EIF4E2: variants seen among roughly 807,000 people sequenced by gnomAD.
EIF4E2 encodes the protein eukaryotic translation initiation factor 4E type 2.
EIF4E2 carries 13 observed loss-of-function variants against 34.2 expected under a neutral mutation model. The observed-to-expected ratio is 0.38, with a 90% CI of 0.25 to 0.60. The LOEUF (loss-of-function observed/expected upper bound fraction) is 0.60, where lower values mean the gene tolerates loss of function less well. Ranked by LOEUF, EIF4E2 falls within the 20% of genes least tolerant of loss-of-function variation. EIF4E2 has a pLI of 0.62. For synonymous variants in EIF4E2, 100 were observed against 106.6 expected, an observed-to-expected ratio of 0.94 and a Z score of 0.38; for missense variants, 222 against 315.1, an observed-to-expected ratio of 0.70 and a Z score of 2.24.
chr2:232,574,151 A>T, downstream of EIF4E2: 1 of 1,101,836 alleles, frequency 9.1e-7, no homozygotes, highest in Non-Finnish European at 1.4e-6. Context: ...CTGTGGCTCC[A>T]CTCGGCTTGG....
At chr2:232,573,426 TTAGG>T (rs1474077494), downstream of EIF4E2, among the ~76,000 whole-genome samples, 1 of 152,170 alleles carries the variant, frequency 6.6e-6, no homozygotes, top group Non-Finnish European at 1.5e-5. Context: ...TGGCTAGGGC[TTAGG>T]TAGGAAATCA....
At position 232,581,464 on chromosome 2, in the gene EIF4E2, T is replaced by C; in HGVS notation, c.*521T>C. 1 of 292,902 alleles carries C rather than the reference T, an allele frequency of 3.4e-6. No homozygotes were observed. The highest frequency in any genetic ancestry group is 6.6e-6 in the Non-Finnish European group (1 of 151,574). The allele number at this position is 292,902 out of a possible 1,614,324, so 18.1% of individuals were successfully genotyped here. ...CTCCCCTCCTCCAAGCCCACCACTT[T>C]CTGAAGCTGTGTTACTGATGTGATG... On this transcript the variant is annotated 3_prime_UTR_variant, in exon 7 of 7. Transcript: ENST00000409098. This position sits in a 1 kb window ranked among gnomAD's most constrained non-coding sequence, Gnocchi z 5.2.
At chr2:232,559,437 G>GGAAAAAA (rs1553582383) in intron 3 of EIF4E2, among the ~76,000 whole-genome samples, 1 of 119,094 alleles carries the variant, frequency 8.4e-6, no homozygotes, top group African/African-American at 3.1e-5. Context: ...GCTTTGGTTT[G>GGAAAAAA]AAAAAAATAA....
intron 1 of EIF4E2, among the ~76,000 whole-genome samples, chr2:232,552,602 T>G (rs1190453): frequency 0.73 from 111,743 of 152,070 alleles, 41,374 homozygotes; most frequent in Middle Eastern, 0.84. Flanking sequence ...GTTAACTAAT[T>G]CCCGACACAA....
intron 4 of EIF4E2, among the ~76,000 whole-genome samples, chr2:232,565,294 C>A (rs1042582643): frequency 3.9e-5 from 6 of 152,202 alleles, no homozygotes; most frequent in Non-Finnish European, 5.9e-5. Context: ...CCAGTGCCCG[C>A]AGTGCCCTTC....
intron 6 of EIF4E2, chr2:232,567,544 G>T: frequency 8.1e-7 from 1 of 1,240,800 alleles, no homozygotes. Context: ...TCTTTTTCTT[G>T]CTGTTTTTTA....
chr2:232,583,551 G>A (rs1467202269), exon 7 of EIF4E2: 1 of 152,128 alleles, frequency 6.6e-6, no homozygotes, highest in African/African-American at 2.4e-5. Context: ...ATTTGCCAGT[G>A]GAAACGGAGC....
intron 1 of EIF4E2, chr2:232,551,261 G>A (rs1442514162): frequency 2.1e-6 from 1 of 472,908 alleles, no homozygotes; most frequent in African/African-American, 2.0e-5. Context: ...GGCTGGCTTA[G>A]GAATTATCTT....
intron 1 of EIF4E2, among the ~76,000 whole-genome samples, chr2:232,554,351 G>A (rs927514435): frequency 3.8e-4 from 58 of 152,190 alleles, no homozygotes; most frequent in African/African-American, 1.2e-3. Flanking sequence ...CAACTGGAGT[G>A]AAAAGAGTTT....
At chr2:232,555,932 G>A (rs1337604662) in intron 1 of EIF4E2, among the ~76,000 whole-genome samples, 1 of 66,266 alleles carries the variant, frequency 1.5e-5, no homozygotes, top group Non-Finnish European at 2.7e-5. Context: ...AGAGATTTGT[G>A]TCAGGAAGAC....
intron 6 of EIF4E2, chr2:232,567,459 G>A (rs770007401): frequency 1.1e-5 from 14 of 1,300,858 alleles, no homozygotes; most frequent in Non-Finnish European, 1.4e-5. Flanking sequence ...GTACTACCTG[G>A]GCTTGCTTAA....
intron 6 of EIF4E2, among the ~76,000 whole-genome samples, chr2:232,575,186 T>C (rs911891852): frequency 3.4e-5 from 3 of 88,880 alleles, no homozygotes; most frequent in Non-Finnish European, 5.4e-5. Flanking sequence ...TACCTCAAAA[T>C]TCCCCCTTCC....
chr2:232,564,551 C>T (rs1470675936), intron 4 of EIF4E2, among the ~76,000 whole-genome samples, 200 bp downstream of exon 4: 1 of 152,220 alleles, frequency 6.6e-6, no homozygotes, highest in African/African-American at 2.4e-5. Flanking sequence ...CCCAGGTTCA[C>T]GCCATTCTCT....
chr2:232,559,824 T>TAAA (rs576233672), intron 3 of EIF4E2, among the ~76,000 whole-genome samples: 2 of 115,506 alleles, frequency 1.7e-5, no homozygotes, highest in African/African-American at 7.3e-5. Context: ...ACGGGAGCAT[T>TAAA]AAAAAAAAAA....
chr2:232,557,860 T>C, intron 2 of EIF4E2, 24 bp from the exon 3 acceptor site: 1 of 1,611,170 alleles, frequency 6.2e-7, no homozygotes, highest in Non-Finnish European at 8.5e-7. Flanking sequence ...TGCCCAGGAC[T>C]AACACACCTT....
In EIF4E2 at chr2:232,566,442, A is replaced by G. The variant is rs1692936788; in HGVS notation, c.376-387A>G. Among the ~76,000 whole-genome samples, 1 of 152,206 alleles carries G rather than the reference A, an allele frequency of 6.6e-6. No homozygotes were observed. The highest frequency in any genetic ancestry group is 1.5e-5 in the Non-Finnish European group (1 of 68,020). Reference sequence around the variant, plus strand: ...CCTCACCTCGTGATTCGCCCACCTCAGCCTTCCAAAGTGTTGGGATTACGG... The same window carrying G: ...CCTCACCTCGTGATTCGCCCACCTCGGCCTTCCAAAGTGTTGGGATTACGG... On this transcript the variant is annotated intron_variant, in intron 4 of 6. Coordinates refer to ENST00000258416, the MANE Select transcript of EIF4E2 (RefSeq NM_004846.4). This position sits in a 1 kb window ranked among gnomAD's most constrained non-coding sequence, Gnocchi z 4.9.
chr2:232,571,534 C>T (rs142100883), downstream of EIF4E2, among the ~76,000 whole-genome samples: 381 of 152,302 alleles, frequency 2.5e-3, 4 homozygotes, highest in Non-Finnish European at 3.8e-3. Flanking sequence ...TCCTTTTGTG[C>T]ATCTAGCCTG....
intron 1 of EIF4E2, among the ~76,000 whole-genome samples, chr2:232,552,981 A>G (rs1183819220): frequency 3.9e-5 from 6 of 152,114 alleles, no homozygotes; most frequent in Non-Finnish European, 8.8e-5. Context: ...TTTTTACCAC[A>G]TTGCTCTTAA....
At chr2:232,553,536 A>G (rs1371751700) in intron 1 of EIF4E2, among the ~76,000 whole-genome samples, 1 of 152,248 alleles carries the variant, frequency 6.6e-6, no homozygotes, top group Non-Finnish European at 1.5e-5. Flanking sequence ...GCAGAAGCTT[A>G]GCAAGCTAAC....
Sources: allele counts gnomAD v4.1 joint callset (sites outside exome capture counted in the v4.1 genomes callset), GRCh38; gene constraint gnomAD v4.1.1; non-coding constraint Gnocchi (gnomAD v3.1); transcripts MANE v1.5; gene names NCBI Gene and HGNC (gene_info 2026-07-23, HGNC 2026-07-21).